LHFPL3: variants seen among roughly 807,000 people sequenced by gnomAD.
LHFPL3 encodes the protein LHFPL tetraspan subfamily member 3 protein.
Under a neutral mutation model 19.3 loss-of-function variants are expected in LHFPL3, and 5 were observed. That is an observed-to-expected ratio of 0.26 (90% CI 0.14 to 0.54). LHFPL3 has a LOEUF of 0.54. LHFPL3 is among the 20% of genes least tolerant of loss of function. The probability of loss-of-function intolerance (pLI) is 0.94; values close to 1 mark genes in which losing one functional copy is unlikely to be tolerated. For synonymous variants in LHFPL3, 133 were observed against 126.2 expected (o/e 1.05, Z -0.36); for missense variants, 249 against 307.4 (o/e 0.81, Z 1.42).
chr7:104,440,041 G>GGC (rs1792189983), intron 1 of LHFPL3, among the ~76,000 whole-genome samples: 1 of 146,508 alleles, frequency 6.8e-6, no homozygotes, highest in Non-Finnish European at 1.5e-5. Context: ...AGCCTGGGGG[G>GGC]GGGGAGGGAT....
intron 1 of LHFPL3, among the ~76,000 whole-genome samples, chr7:104,533,631 C>G (rs76368962): frequency 0.017 from 2,538 of 152,330 alleles, 72 homozygotes; most frequent in African/African-American, 0.058. Flanking sequence ...TCTTGACCAA[C>G]TCACCCAGGC....
intron 2 of LHFPL3, among the ~76,000 whole-genome samples, chr7:104,843,623 T>C (rs532113330): frequency 8.9e-4 from 135 of 152,332 alleles, no homozygotes; most frequent in African/African-American, 3.2e-3. Flanking sequence ...CAACACAGTC[T>C]TTCAAGCCTT....
chr7:104,655,538 G>C (rs1462463552), intron 1 of LHFPL3, among the ~76,000 whole-genome samples: 1 of 152,160 alleles, frequency 6.6e-6, no homozygotes, highest in Non-Finnish European at 1.5e-5. Flanking sequence ...AATCTAATTG[G>C]TTTTATTATC....
intron 2 of LHFPL3, among the ~76,000 whole-genome samples, chr7:104,838,430 A>C (rs1487571602): frequency 6.6e-6 from 1 of 152,248 alleles, no homozygotes; most frequent in Non-Finnish European, 1.5e-5. Flanking sequence ...TTTCATTAGA[A>C]TCTAAATTAA....
At chr7:104,562,425 C>T (rs1259628756) in intron 1 of LHFPL3, among the ~76,000 whole-genome samples, 1 of 152,198 alleles carries the variant, frequency 6.6e-6, no homozygotes, top group Admixed American at 6.5e-5. Context: ...CGCTTCATTT[C>T]ATTCATTTCA....
At chr7:104,529,668 G>A (rs1331002181) in intron 1 of LHFPL3, among the ~76,000 whole-genome samples, 1 of 152,132 alleles carries the variant, frequency 6.6e-6, no homozygotes, top group African/African-American at 2.4e-5. Flanking sequence ...AAATCATGTT[G>A]ATTAATGGCA....
intron 1 of LHFPL3, among the ~76,000 whole-genome samples, chr7:104,531,897 A>G (rs1794301665): frequency 6.6e-6 from 1 of 152,026 alleles, no homozygotes; most frequent in Non-Finnish European, 1.5e-5. Context: ...CTATCCCTCC[A>G]TGATCCCAGC....
intron 1 of LHFPL3, among the ~76,000 whole-genome samples, chr7:104,418,067 G>T (rs754306210): frequency 1.3e-5 from 2 of 151,526 alleles, no homozygotes; most frequent in Non-Finnish European, 2.9e-5. Flanking sequence ...GTAGAGACAG[G>T]GTTTCACCAT....
chr7:104,501,848 A>G (rs781141928), intron 1 of LHFPL3, among the ~76,000 whole-genome samples: 2 of 152,258 alleles, frequency 1.3e-5, no homozygotes, highest in Non-Finnish European at 2.9e-5. Context: ...CTGCGATTGA[A>G]TTAGCAGTAG....
At chr7:104,434,585 A>G (rs1221040407) in intron 1 of LHFPL3, among the ~76,000 whole-genome samples, 5 of 152,240 alleles carry the variant, frequency 3.3e-5, no homozygotes, top group African/African-American at 1.2e-4. Context: ...GGTCCACTTC[A>G]CCATGGCATA....
intron 1 of LHFPL3, among the ~76,000 whole-genome samples, chr7:104,539,559 A>T (rs11973894): frequency 0.23 from 34,207 of 152,004 alleles, 4,732 homozygotes; most frequent in South Asian, 0.42. Context: ...CTGACTGGAG[A>T]TATACAAAGA....
intron 2 of LHFPL3, among the ~76,000 whole-genome samples, chr7:104,769,616 C>A (rs1203637850): frequency 1.3e-5 from 2 of 148,566 alleles, no homozygotes; most frequent in Non-Finnish European, 3.0e-5. Flanking sequence ...TTAGCCCCCC[C>A]AACCCCCGAC....
intron 2 of LHFPL3, among the ~76,000 whole-genome samples, chr7:104,795,052 C>A (rs77698276): frequency 6.6e-6 from 1 of 152,148 alleles, no homozygotes; most frequent in African/African-American, 2.4e-5. Context: ...TCTTCTAAAG[C>A]GTCTAAAGTC....
rs368265974 is a variant in LHFPL3, at chr7:104,489,081, T to C, written c.445+159857T>C. ...TCTACTCTCACTGTGCTGAAATCTT[T>C]TTTTTTTTTTTTTTTTTTTGAGACG... On this transcript the variant is annotated intron_variant, in intron 1 of 2. Coordinates refer to ENST00000424859, the MANE Select transcript of LHFPL3 (RefSeq NM_199000.3). Among the ~76,000 whole-genome samples, 4 of 29,222 alleles carry C rather than the reference T, an allele frequency of 1.4e-4. No homozygotes were observed. The East Asian group carries it at 2.0e-3, about 14-fold the overall frequency. The allele number at this position is 29,222 out of a possible 152,430, so 19.2% of individuals were successfully genotyped here.
chr7:104,350,351 C>T (rs1790149966), intron 1 of LHFPL3, among the ~76,000 whole-genome samples: 1 of 152,114 alleles, frequency 6.6e-6, no homozygotes, highest in South Asian at 2.1e-4. Context: ...AGCAATGAAG[C>T]CAGTCTTAAA....
chr7:104,617,290 T>C (rs4727605), intron 1 of LHFPL3, among the ~76,000 whole-genome samples: 1 of 151,816 alleles, frequency 6.6e-6, no homozygotes, highest in Non-Finnish European at 1.5e-5. Context: ...TTTCAAACTT[T>C]CTAGCCACCA....
chr7:104,674,667 G>A (rs115487668), intron 1 of LHFPL3, among the ~76,000 whole-genome samples: 1,586 of 152,158 alleles, frequency 0.01, 27 homozygotes, highest in African/African-American at 0.036. Context: ...GCACCCACTC[G>A]GGAAAGGGAC....
At chr7:104,721,759 T>C (rs983895684) in intron 1 of LHFPL3, among the ~76,000 whole-genome samples, 4 of 152,214 alleles carry the variant, frequency 2.6e-5, no homozygotes, top group African/African-American at 9.6e-5. Context: ...GAAAAATTCC[T>C]CTTTGCAGAA....
chr7:104,434,967 T>A (rs993953824), intron 1 of LHFPL3, among the ~76,000 whole-genome samples: 1 of 152,208 alleles, frequency 6.6e-6, no homozygotes, highest in African/African-American at 2.4e-5. Flanking sequence ...CCATTATTTT[T>A]AAGTATATTA....
Sources: allele counts gnomAD v4.1 joint callset (sites outside exome capture counted in the v4.1 genomes callset), GRCh38; gene constraint gnomAD v4.1.1; transcripts MANE v1.5; gene names NCBI Gene and HGNC (gene_info 2026-07-23, HGNC 2026-07-21).